The following CRPPA variants were observed in gnomAD, a reference collection of about 807,000 sequenced individuals.
CRPPA encodes CDP-L-ribitol pyrophosphorylase A, also known as D-ribitol-5-phosphate cytidylyltransferase.
CRPPA carries 43 observed loss-of-function variants against 52.0 expected under a neutral mutation model. The observed-to-expected ratio is 0.83, with a 90% CI of 0.65 to 1.07. The LOEUF is 1.07. Among genes scored for constraint, CRPPA ranks in the 50% least tolerant of loss-of-function variants. The probability of loss-of-function intolerance (pLI) is 0.00; values close to 1 mark genes in which losing one functional copy is unlikely to be tolerated. For synonymous variants in CRPPA, 250 were observed against 203.5 expected, an observed-to-expected ratio of 1.23 and a Z score of -1.94; for missense variants, 629 against 551.7, an observed-to-expected ratio of 1.14 and a Z score of -1.40.
At chr7:16,313,765 G>A (rs1008886202) in intron 3 of CRPPA, among the ~76,000 whole-genome samples, 1 of 151,814 alleles carries the variant, frequency 6.6e-6, no homozygotes, top group Non-Finnish European at 1.5e-5. Flanking sequence ...TTTTTTATGT[G>A]TGTTATTTAA....
chr7:16,385,098 A>G (rs75356156), intron 2 of CRPPA, among the ~76,000 whole-genome samples: 1,778 of 152,312 alleles, frequency 0.012, 41 homozygotes, highest in African/African-American at 0.041. Context: ...ACACTTAGAT[A>G]AATAGACGTA....
chr7:16,147,095 T>A (rs1445931332), intron 9 of CRPPA, among the ~76,000 whole-genome samples: 2 of 152,214 alleles, frequency 1.3e-5, no homozygotes, highest in African/African-American at 4.8e-5. Flanking sequence ...CTGCACAAGC[T>A]CTCTTGCCTG....
intron 9 of CRPPA, among the ~76,000 whole-genome samples, chr7:16,152,361 A>G (rs1023132838): frequency 6.6e-6 from 1 of 151,950 alleles, no homozygotes; most frequent in Non-Finnish European, 1.5e-5. Context: ...ATTTTAATAG[A>G]AAAAAACAGT....
At chr7:16,375,885 T>C (rs1786867200) in intron 3 of CRPPA, among the ~76,000 whole-genome samples, 2 of 152,212 alleles carry the variant, frequency 1.3e-5, no homozygotes, top group Admixed American at 6.5e-5. Flanking sequence ...AAAGAGCATC[T>C]AGAAGCCTGC....
At chr7:16,205,009 C>G (rs1016677417) in intron 9 of CRPPA, among the ~76,000 whole-genome samples, 3 of 152,014 alleles carry the variant, frequency 2.0e-5, no homozygotes, top group African/African-American at 4.8e-5. Flanking sequence ...CTTATTAAGC[C>G]CCAAATACAG....
At chr7:16,379,835 A>T (rs1466265958) in intron 2 of CRPPA, among the ~76,000 whole-genome samples, 1 of 152,114 alleles carries the variant, frequency 6.6e-6, no homozygotes, top group East Asian at 1.9e-4. Context: ...TTGTACATTG[A>T]TTTTATATCC....
At chr7:16,337,748 C>G (rs1785723458) in intron 3 of CRPPA, among the ~76,000 whole-genome samples, 1 of 152,024 alleles carries the variant, frequency 6.6e-6, no homozygotes, top group South Asian at 2.1e-4. Context: ...CAATTATACT[C>G]CAACAAATCA....
intron 9 of CRPPA, among the ~76,000 whole-genome samples, chr7:16,103,118 T>C (rs925240800): frequency 6.6e-6 from 1 of 152,178 alleles, no homozygotes; most frequent in Non-Finnish European, 1.5e-5. Context: ...TGGAATACTA[T>C]GCAGCCATAA....
intron 9 of CRPPA, among the ~76,000 whole-genome samples, chr7:16,110,779 A>G (rs1782246147): frequency 6.6e-6 from 1 of 152,156 alleles, no homozygotes; most frequent in Non-Finnish European, 1.5e-5. Context: ...ATCTCACACC[A>G]TATATAAAAA....
chr7:16,343,790 A>G (rs1449498717), intron 3 of CRPPA, among the ~76,000 whole-genome samples: 1 of 152,198 alleles, frequency 6.6e-6, no homozygotes, highest in Non-Finnish European at 1.5e-5. Flanking sequence ...GAAAGACCTC[A>G]GAAAGCCATA....
Position 16,229,003 on chromosome 7 carries a change from A to C in CRPPA, c.1120-12806T>G, listed in dbSNP as rs535547180. Reference sequence around the variant, plus strand: ...TCCAACATTGGTTGCATATATCACAACTGTCCTATCTTCTTACTTGATCCC... The same window carrying C: ...TCCAACATTGGTTGCATATATCACACCTGTCCTATCTTCTTACTTGATCCC... On this transcript the variant is annotated intron_variant, in intron 8 of 9. Transcript: ENST00000407010. 2.6e-5 allele frequency among the ~76,000 whole-genome samples: 4 copies of C among 152,134 alleles called. No homozygotes were observed. In the South Asian group the frequency reaches 8.3e-4, roughly 31 times the overall value.
intron 8 of CRPPA, among the ~76,000 whole-genome samples, chr7:16,224,041 C>A (rs550833323): frequency 6.6e-5 from 10 of 152,096 alleles, no homozygotes; most frequent in Non-Finnish European, 8.8e-5. Context: ...TATCTAATTT[C>A]ATTTTAATGA....
chr7:16,242,109 C>G (rs1296425512), intron 8 of CRPPA, among the ~76,000 whole-genome samples: 2 of 151,570 alleles, frequency 1.3e-5, no homozygotes, highest in South Asian at 2.1e-4. Context: ...CACCCGCCAC[C>G]ACACCCGGCT....
intron 2 of CRPPA, among the ~76,000 whole-genome samples, chr7:16,378,543 C>G (rs1007722751): frequency 1.2e-4 from 18 of 152,128 alleles, no homozygotes; most frequent in Admixed American, 1.2e-3. Context: ...CAAGTATTTG[C>G]TATTGTGAAT....
chr7:16,332,624 C>G (rs1375368859), intron 3 of CRPPA, among the ~76,000 whole-genome samples: 1 of 151,812 alleles, frequency 6.6e-6, no homozygotes, highest in African/African-American at 2.4e-5. Flanking sequence ...ATGGCAAAAA[C>G]TGAAAGAATG....
chr7:16,298,014 C>T (rs1446476985), intron 5 of CRPPA, among the ~76,000 whole-genome samples: 1 of 152,186 alleles, frequency 6.6e-6, no homozygotes, highest in Non-Finnish European at 1.5e-5. Context: ...ATACAGCTCT[C>T]ATAGTATGCT....
At chr7:16,356,535 G>A (rs1322413595) in intron 3 of CRPPA, among the ~76,000 whole-genome samples, 4 of 152,162 alleles carry the variant, frequency 2.6e-5, no homozygotes, top group African/African-American at 9.7e-5. Context: ...AGGCTATAAG[G>A]AGACAGGCAG....
intron 9 of CRPPA, among the ~76,000 whole-genome samples, chr7:16,182,118 T>C (rs114929454): frequency 2.4e-4 from 37 of 152,168 alleles, no homozygotes; most frequent in African/African-American, 8.9e-4. Flanking sequence ...CTTTATAAAA[T>C]ATCTCTTTGC....
chr7:16,344,693 A>G (rs1298258120), intron 3 of CRPPA, among the ~76,000 whole-genome samples: 1 of 152,172 alleles, frequency 6.6e-6, no homozygotes, highest in African/African-American at 2.4e-5. Context: ...AAAAGGTATA[A>G]GTTCTGGAGT....
Sources: gnomAD v4.1 joint callset for allele counts (sites outside exome capture counted in the v4.1 genomes callset) on GRCh38, gnomAD v4.1.1 for gene constraint, MANE v1.5 for transcripts, NCBI Gene and HGNC (gene_info 2026-07-23, HGNC 2026-07-21) for gene names.